The following PTPN14 variants were observed in gnomAD, a reference collection of about 807,000 sequenced individuals.
PTPN14 encodes protein tyrosine phosphatase non-receptor type 14.
In PTPN14, 53 loss-of-function variants were observed where a neutral mutation model predicts 126.8. The observed-to-expected ratio is 0.42, with a 90% CI of 0.34 to 0.53. The LOEUF (loss-of-function observed/expected upper bound fraction) is 0.53, where lower values mean the gene tolerates loss of function less well. Ranked by LOEUF, PTPN14 falls within the 20% of genes least tolerant of loss-of-function variation. The pLI is 0.08. For synonymous variants in PTPN14, 630 were observed against 599.3 expected, an observed-to-expected ratio of 1.05 and a Z score of -0.75; for missense variants, 1,257 against 1,552.9, an observed-to-expected ratio of 0.81 and a Z score of 3.20.
chr1:214,481,701 A>C (rs1383565331), intron 1 of PTPN14, among the ~76,000 whole-genome samples: 1 of 151,604 alleles, frequency 6.6e-6, no homozygotes, highest in Non-Finnish European at 1.5e-5. Flanking sequence ...ATAGGCAAGA[A>C]TGAGCTAGGC....
intron 1 of PTPN14, among the ~76,000 whole-genome samples, chr1:214,491,643 G>C (rs4130487): frequency 0.66 from 100,279 of 152,094 alleles, 33,303 homozygotes; most frequent in Middle Eastern, 0.75. Flanking sequence ...TGTGATGCCA[G>C]TTCCTAACAG....
At chr1:214,419,198 A>T (rs1461118344) in intron 3 of PTPN14, among the ~76,000 whole-genome samples, 1 of 152,162 alleles carries the variant, frequency 6.6e-6, no homozygotes, top group African/African-American at 2.4e-5. Context: ...TAAGAAAGAA[A>T]ACTTTCTTTC....
intron 12 of PTPN14, 39 bp downstream of exon 12, chr1:214,386,805 T>G (rs759389515): frequency 2.6e-6 from 4 of 1,516,224 alleles, no homozygotes; most frequent in African/African-American, 1.4e-5. Context: ...GGTATTCAAC[T>G]TTTTGTCTTA....
chr1:214,419,005 ATATT>A (rs1659484653), intron 3 of PTPN14, among the ~76,000 whole-genome samples: 1 of 152,228 alleles, frequency 6.6e-6, no homozygotes, highest in African/African-American at 2.4e-5. Context: ...TTATGTGTAT[ATATT>A]TCTAAATGCA....
At chr1:214,505,571 A>C (rs1042463645) in intron 1 of PTPN14, among the ~76,000 whole-genome samples, 13 of 152,220 alleles carry the variant, frequency 8.5e-5, no homozygotes, top group Admixed American at 7.2e-4. Flanking sequence ...TTAGCTACAA[A>C]GAAAAGAGCT....
intron 3 of PTPN14, among the ~76,000 whole-genome samples, chr1:214,420,166 CACAA>C (rs551670953): frequency 6.6e-6 from 1 of 152,186 alleles, no homozygotes; most frequent in Admixed American, 6.5e-5. Context: ...AGGGGGAAAA[CACAA>C]ACAAACAAAA....
chr1:214,414,518 G>T, intron 4 of PTPN14, 111 bp downstream of exon 4: 1 of 939,246 alleles, frequency 1.1e-6, no homozygotes. Context: ...TAAAAAGGGA[G>T]CATTACTAAG....
chr1:214,404,927 T>C lies in PTPN14; in HGVS notation c.511-1974A>G, dbSNP rs578067838. 2.0e-5 allele frequency among the ~76,000 whole-genome samples: 3 copies of C among 152,278 alleles called. No homozygotes were observed. The South Asian group carries it at 6.2e-4, about 32-fold the overall frequency. On this transcript the variant is annotated intron_variant, in intron 5 of 18. Coordinates refer to ENST00000366956, the MANE Select transcript of PTPN14 (RefSeq NM_005401.5). ...GAACCAAGGAAAAAGTTTACACCCT[T>C]CTAAGACTACCCCCGGCCTACTCAG...
chr1:214,425,878 G>C (rs937551781), intron 3 of PTPN14, among the ~76,000 whole-genome samples: 2 of 151,898 alleles, frequency 1.3e-5, no homozygotes, highest in Non-Finnish European at 2.9e-5. Context: ...CTGCAAGATA[G>C]CCACTATCCC....
At chr1:214,375,102 T>C (rs1277596427) in intron 15 of PTPN14, among the ~76,000 whole-genome samples, 1 of 152,194 alleles carries the variant, frequency 6.6e-6, no homozygotes, top group East Asian at 1.9e-4. Context: ...AGTTACTCTT[T>C]TATATTTCTT....
intron 1 of PTPN14, among the ~76,000 whole-genome samples, chr1:214,516,233 T>C (rs1309212746): frequency 3.1e-4 from 47 of 152,218 alleles, no homozygotes; most frequent in Non-Finnish European, 8.8e-5. Flanking sequence ...TTTTTCACAG[T>C]TGAAGCCACA....
Position 214,423,162 on chromosome 1 carries a change from G to A in PTPN14, c.345-8436C>T, listed in dbSNP as rs1225629278. Among the ~76,000 whole-genome samples the A allele has an allele frequency of 2.6e-5, 4 of 151,888 alleles. No homozygotes were observed. In the East Asian group the frequency reaches 7.7e-4, roughly 29 times the overall value. ...GAGGGAAAGGGGGGAGGGAGGGGAA[G>A]GAAAGTCAGCCAAACTAGCTGGACG... On this transcript the variant is annotated intron_variant, in intron 3 of 18. Transcript: ENST00000366956.
At chr1:214,358,589 T>C (rs1201801900) in intron 18 of PTPN14, among the ~76,000 whole-genome samples, 1 of 152,224 alleles carries the variant, frequency 6.6e-6, no homozygotes, top group Non-Finnish European at 1.5e-5. Context: ...ATAATAATGC[T>C]TTCCTCTAAC....
At position 214,490,709 on chromosome 1, in the gene PTPN14, C is replaced by T. The variant is rs542333703; in HGVS notation, c.-154-25752G>A. On this transcript the variant is annotated intron_variant, in intron 1 of 18. Coordinates refer to ENST00000366956, the MANE Select transcript of PTPN14 (RefSeq NM_005401.5). ...AAAGTTAGCCAGGCGTGGTGGTGCG[C>T]GCCTGTAATCCCAGCTACTTCGGAG... is the stretch of plus-strand genomic sequence containing the variant. Among the ~76,000 whole-genome samples the T allele has an allele frequency of 7.3e-5, 11 of 150,746 alleles. No homozygotes were observed. The South Asian group carries it at 8.5e-4, about 12-fold the overall frequency.
chr1:214,486,489 T>A (rs1661116073), intron 1 of PTPN14, among the ~76,000 whole-genome samples: 1 of 152,256 alleles, frequency 6.6e-6, no homozygotes, highest in Non-Finnish European at 1.5e-5. Context: ...AATGGAAATA[T>A]AACTTACAGC....
In PTPN14 at chr1:214,384,501, T is replaced by A; in HGVS notation, c.1354A>T (p.Met452Leu). Reference protein sequence around the residue: ...TPDYETVMRQMKRGILHTDSQ... With the variant: ...TPDYETVMRQLKRGILHTDSQ... ...TCTGTATGCAGGATCCCCCTCTTCA[T>A]CTGGCGCATGACTGTCTCATAATCG... The change falls in exon 13 of 19, where the codon ATG becomes TTG. Residue 452 changes from methionine (M) to leucine (L), a missense_variant. By Grantham distance (15) the Met-to-Leu change is conservative. Transcript: ENST00000366956. This position sits in a 1 kb window ranked among gnomAD's most constrained non-coding sequence, Gnocchi z 5.3. The A allele has an allele frequency of 6.2e-7, 1 of 1,614,132 alleles. No individual in the cohort carries two copies. Among genetic ancestry groups the A allele is most frequent in the Non-Finnish European group, 8.5e-7 (1 of 1,180,030 alleles).
chr1:214,414,453 C>T (rs1659380678), intron 4 of PTPN14, among the ~76,000 whole-genome samples, 176 bp downstream of exon 4: 1 of 152,118 alleles, frequency 6.6e-6, no homozygotes, highest in African/African-American at 2.4e-5. Flanking sequence ...AGAAATCTAC[C>T]ACCCAGCCAC....
At chr1:214,510,685 T>G (rs1204660749) in intron 1 of PTPN14, among the ~76,000 whole-genome samples, 1 of 152,182 alleles carries the variant, frequency 6.6e-6, no homozygotes, top group African/African-American at 2.4e-5. Context: ...AGAAGTGCTC[T>G]CAGGAGGTAA....
intron 13 of PTPN14, among the ~76,000 whole-genome samples, chr1:214,380,252 G>A (rs551552108): frequency 5.8e-4 from 88 of 152,232 alleles, no homozygotes; most frequent in African/African-American, 2.1e-3. Flanking sequence ...CCTCTCAGCA[G>A]TCCTGCTTTC....
Sources: gnomAD v4.1 joint callset for allele counts (sites outside exome capture counted in the v4.1 genomes callset) on GRCh38, gnomAD v4.1.1 for gene constraint, Gnocchi (gnomAD v3.1) non-coding constraint, MANE v1.5 for transcripts, NCBI Gene and HGNC (gene_info 2026-07-23, HGNC 2026-07-21) for gene names.